LINGO2: variants seen among roughly 807,000 people sequenced by gnomAD.
LINGO2 encodes leucine rich repeat and Ig domain containing 2, also known as leucine-rich repeat and immunoglobulin-like domain-containing nogo receptor-interacting protein 2.
A neutral mutation model predicts 30.6 loss-of-function variants in LINGO2; 14 were observed. The observed-to-expected ratio is 0.46, with a 90% CI of 0.30 to 0.72. The LOEUF (loss-of-function observed/expected upper bound fraction) is 0.72. Among genes scored for constraint, LINGO2 ranks in the 30% least tolerant of loss-of-function variants. The pLI is 0.07. For missense variants in LINGO2, 729 were observed against 751.7 expected (o/e 0.97, Z 0.35); for synonymous variants, 317 against 288.5 (o/e 1.10, Z -1.00).
chr9:28,554,295 T>G (rs1481288701), intron 1 of LINGO2, among the ~76,000 whole-genome samples: 1 of 149,924 alleles, frequency 6.7e-6, no homozygotes, highest in Non-Finnish European at 1.5e-5. Flanking sequence ...AATAAAAGGA[T>G]GGAGGAAGAT....
chr9:28,047,800 GTA>G (rs775056806), intron 4 of LINGO2, among the ~76,000 whole-genome samples: 5 of 41,576 alleles, frequency 1.2e-4, no homozygotes, highest in Non-Finnish European at 3.9e-4. Context: ...AAAGAGCAAA[GTA>G]TTTTTTTTAC....
At chr9:28,928,475 G>GT in the LINGO2 span, among the ~76,000 whole-genome samples, 100 of 150,920 alleles carry the variant, frequency 6.6e-4, no homozygotes, top group African/African-American at 1.6e-3. Flanking sequence ...ACTTATATGT[G>GT]TTTTTTTTTA....
At chr9:28,353,261 A>G (rs1233898255) in intron 3 of LINGO2, among the ~76,000 whole-genome samples, 2 of 145,128 alleles carry the variant, frequency 1.4e-5, no homozygotes, top group Admixed American at 1.4e-4. Context: ...CATCTGACAA[A>G]GGGCTAATAT....
Position 28,184,940 on chromosome 9 carries a change from AAACAAAACAC to A in LINGO2, c.-87+110258_-87+110267del, listed in dbSNP as rs1168890578. On this transcript the variant is annotated intron_variant, in intron 4 of 5. Coordinates refer to ENST00000379992, the Ensembl canonical transcript of LINGO2. The stretch of plus-strand genomic sequence containing the variant: ...GGCTGTTGAAAGAAAGGGGAAATTA[AAACAAAACAC>A]AACAAAACAAAACAAAAAAAAATCT... Among the ~76,000 whole-genome samples the A allele has an allele frequency of 3.9e-5, 6 of 152,140 alleles. No individual in the cohort carries two copies. In the East Asian group the frequency reaches 1.2e-3, roughly 29 times the overall value.
intron 4 of LINGO2, among the ~76,000 whole-genome samples, chr9:28,254,190 A>G (rs921977576): frequency 6.6e-6 from 1 of 152,114 alleles, no homozygotes; most frequent in African/African-American, 2.4e-5. Context: ...TTCCTAGTAC[A>G]TAATAGTTGC....
At chr9:28,636,578 G>A (rs1484213244) in intron 1 of LINGO2, among the ~76,000 whole-genome samples, 1 of 152,068 alleles carries the variant, frequency 6.6e-6, no homozygotes, top group East Asian at 1.9e-4. Context: ...TGGCCAGTGA[G>A]GATAAGCATA....
the LINGO2 span, among the ~76,000 whole-genome samples, chr9:28,768,518 G>A: frequency 6.6e-6 from 1 of 151,774 alleles, no homozygotes; most frequent in South Asian, 2.1e-4. Context: ...TTCTTTAAGT[G>A]GGCAATTGGA....
intron 3 of LINGO2, among the ~76,000 whole-genome samples, chr9:28,305,766 G>A (rs1017284860): frequency 1.1e-4 from 16 of 151,920 alleles, no homozygotes; most frequent in Admixed American, 7.2e-4. Flanking sequence ...TAGTCAGTTT[G>A]GGGTAAATTG....
At chr9:28,880,093 GC>G in the LINGO2 span, among the ~76,000 whole-genome samples, 1 of 152,120 alleles carries the variant, frequency 6.6e-6, no homozygotes, top group Non-Finnish European at 1.5e-5. Flanking sequence ...ATTGAACTCT[GC>G]CCTTAGAAGA....
the LINGO2 span, among the ~76,000 whole-genome samples, chr9:28,863,028 C>G: frequency 6.6e-6 from 1 of 151,892 alleles, no homozygotes; most frequent in Non-Finnish European, 1.5e-5. Context: ...GATACTGTTT[C>G]CAGAAGAGTA....
intron 4 of LINGO2, among the ~76,000 whole-genome samples, chr9:28,021,274 A>G (rs4342698): frequency 0.64 from 96,546 of 151,922 alleles, 32,132 homozygotes; most frequent in Non-Finnish European, 0.73. Context: ...TGTGTTATGT[A>G]CAAGTGTCTT....
chr9:28,607,441 A>G (rs544941611), intron 1 of LINGO2, among the ~76,000 whole-genome samples: 37 of 152,178 alleles, frequency 2.4e-4, no homozygotes, highest in Non-Finnish European at 2.6e-4. Context: ...CAAATGCTAA[A>G]AATAGAACTC....
intron 4 of LINGO2, among the ~76,000 whole-genome samples, chr9:28,188,449 C>A (rs531660796): frequency 2.6e-5 from 4 of 152,088 alleles, no homozygotes; most frequent in Non-Finnish European, 5.9e-5. Context: ...ACCACCTGCA[C>A]GGCAATTACA....
intron 3 of LINGO2, among the ~76,000 whole-genome samples, chr9:28,351,326 C>T (rs1409606055): frequency 8.3e-4 from 118 of 142,700 alleles, no homozygotes; most frequent in East Asian, 6.6e-3. Context: ...ATATCACCAC[C>T]GATCCCACAG....
the LINGO2 span, among the ~76,000 whole-genome samples, chr9:29,014,366 A>G: frequency 6.6e-6 from 1 of 152,116 alleles, no homozygotes; most frequent in African/African-American, 2.4e-5. Flanking sequence ...GCACTTGCCT[A>G]TTTTGGGTTA....
At chr9:28,436,139 CAA>C (rs1287604931) in intron 2 of LINGO2, among the ~76,000 whole-genome samples, 1 of 152,154 alleles carries the variant, frequency 6.6e-6, no homozygotes, top group Non-Finnish European at 1.5e-5. Flanking sequence ...TTATCCATAG[CAA>C]CAACCTGTAA....
At chr9:29,038,239 A>G in the LINGO2 span, among the ~76,000 whole-genome samples, 4 of 152,224 alleles carry the variant, frequency 2.6e-5, no homozygotes, top group African/African-American at 7.2e-5. Context: ...CACCATCAGT[A>G]CATGAGTGTT....
At chr9:28,970,735 T>C in the LINGO2 span, among the ~76,000 whole-genome samples, 1 of 152,092 alleles carries the variant, frequency 6.6e-6, no homozygotes, top group Non-Finnish European at 1.5e-5. Context: ...AGAACTTGAG[T>C]TCCTGCGATC....
chr9:29,042,129 G>GA, the LINGO2 span, among the ~76,000 whole-genome samples: 3 of 151,758 alleles, frequency 2.0e-5, no homozygotes, highest in Non-Finnish European at 4.4e-5. Context: ...ACTAAAATAA[G>GA]AAAAAAATGT....
Sources: gnomAD v4.1 joint callset for allele counts (sites outside exome capture counted in the v4.1 genomes callset) on GRCh38, gnomAD v4.1.1 for gene constraint, MANE v1.5 for transcripts, NCBI Gene and HGNC (gene_info 2026-07-23, HGNC 2026-07-21) for gene names.